The following HSF2 variants were observed in gnomAD, a reference collection of about 807,000 sequenced individuals.
The protein encoded by HSF2 is heat shock factor protein 2.
A neutral mutation model predicts 65.0 loss-of-function variants in HSF2; 21 were observed. The ratio of observed to expected loss-of-function variants is 0.32; its 90% CI spans 0.23 to 0.47. The LOEUF (loss-of-function observed/expected upper bound fraction) is 0.47, where lower values mean the gene tolerates loss of function less well. HSF2 is among the 20% of genes least tolerant of loss of function. The pLI is 1.00. For missense variants in HSF2, 499 were observed against 628.1 expected (o/e 0.79, Z 2.20); for synonymous variants, 225 against 219.1 (o/e 1.03, Z -0.24).
chr6:122,423,612 G>A lies in HSF2; in HGVS notation c.1102G>A (p.Asp368Asn). The change falls in exon 10 of 13, where the codon GAC becomes AAC. Residue 368 changes from aspartate (D) to asparagine (N), a missense_variant. This residue lies in a region of HSF2 where 349 missense variants were observed against 393.5 expected (regional missense o/e 0.89). Transcript: ENST00000368455. ...GCTGTTGGATTATCTTGACAGTATT[G>A]ACTGCAGTTTAGAGGACTTCCAGGC... ...VELLDYLDSIDCSLEDFQAML... is the reference protein window; with the variant it reads ...VELLDYLDSINCSLEDFQAML... 6.2e-7 allele frequency: 1 copy of A among 1,608,644 alleles called. No individual in the cohort carries two copies. Among genetic ancestry groups the A allele is most frequent in the Non-Finnish European group, 8.5e-7 (1 of 1,176,898 alleles).
At chr6:122,425,268 T>C (rs1582619676) in intron 10 of HSF2, among the ~76,000 whole-genome samples, 2 of 152,110 alleles carry the variant, frequency 1.3e-5, no homozygotes, top group East Asian at 3.9e-4. Flanking sequence ...AAGCTTTGTA[T>C]TGTGTTGCTT....
At position 122,422,715 on chromosome 6, in the gene HSF2, T is replaced by G. The variant is rs1457910575; in HGVS notation, c.831-3T>G. Reference sequence around the variant, plus strand: ...TAGGTTCCTTCTTTTATTGCTGATTTAGCTGTAGCCAGTACCCTGATATTG... The same window carrying G: ...TAGGTTCCTTCTTTTATTGCTGATTGAGCTGTAGCCAGTACCCTGATATTG... On this transcript the variant is annotated splice_region_variant and splice_polypyrimidine_tract_variant and intron_variant, in intron 8 of 12. Transcript: ENST00000368455. 9.3e-6 allele frequency: 15 copies of G among 1,612,782 alleles called. No individual in the cohort carries two copies. Among genetic ancestry groups the G allele is most frequent in the Non-Finnish European group, 1.3e-5 (15 of 1,179,066 alleles).
rs1773675045 is a variant in HSF2, at chr6:122,399,809, C to T, written c.72C>T (p.Asn24=). The T allele has an allele frequency of 6.2e-7, 1 of 1,611,962 alleles. No homozygotes were observed. The highest frequency in any genetic ancestry group is 1.7e-5 in the Admixed American group (1 of 59,888). ...CGCTTGTGGAGGAAACCCACACTAA[C>T]GAGTTCATCACCTGGAGCCAGGTAC... The part of the protein sequence containing the change: ...LWTLVEETHT[N]EFITWSQNGQ... The change falls in exon 1 of 13, where the codon AAC becomes AAT. Residue 24 remains asparagine, a synonymous_variant. Transcript: ENST00000368455.
At chr6:122,409,534 A>G (rs1449625178) in intron 1 of HSF2, among the ~76,000 whole-genome samples, 2 of 152,052 alleles carry the variant, frequency 1.3e-5, no homozygotes, top group African/African-American at 4.8e-5. Flanking sequence ...TTCTTTTAAG[A>G]TAGGAAAAGA....
chr6:122,414,760 G>A (rs1271482749), intron 4 of HSF2, among the ~76,000 whole-genome samples: 1 of 152,092 alleles, frequency 6.6e-6, no homozygotes, highest in Admixed American at 6.6e-5. Flanking sequence ...CTAGTAGCTG[G>A]GATTACAGGC....
chr6:122,409,526 C>A (rs1406138863), intron 1 of HSF2, among the ~76,000 whole-genome samples: 1 of 151,880 alleles, frequency 6.6e-6, no homozygotes, highest in Non-Finnish European at 1.5e-5. Flanking sequence ...AGGGAAAGTT[C>A]TTTTAAGATA....
At position 122,432,185 on chromosome 6, in the gene HSF2, C is replaced by T. The variant is rs1774488434; in HGVS notation, c.1576C>T (p.Pro526Ser). Residue 526 changes from proline (P) to serine (S), a missense_variant, in exon 13 of 13, where the codon CCT becomes TCT. Transcript: ENST00000368455. ...LFYLCELAPA[P>S]LDSDMPLLDS ...TTATTTATGTGAACTTGCTCCTGCA[C>T]CTCTGGATAGTGATATGCCACTTTT... 11 of 1,613,970 alleles carry T rather than the reference C, an allele frequency of 6.8e-6. No homozygotes were observed. Among genetic ancestry groups the T allele is most frequent in the African/African-American group, 1.3e-5 (1 of 75,022 alleles).
chr6:122,420,053 G>C, intron 6 of HSF2, 82 bp from the exon 7 acceptor site: 2 of 1,369,486 alleles, frequency 1.5e-6, no homozygotes, highest in Non-Finnish European at 2.0e-6. Context: ...GTGCATGTGT[G>C]TGTGTTTGGG....
At chr6:122,406,891 G>A (rs991878047) in intron 1 of HSF2, among the ~76,000 whole-genome samples, 12 of 152,026 alleles carry the variant, frequency 7.9e-5, no homozygotes, top group African/African-American at 2.4e-4. Flanking sequence ...AAAAAAAACA[G>A]GAGTATTTTT....
At chr6:122,416,871 T>G (rs1205867344) in intron 5 of HSF2, among the ~76,000 whole-genome samples, 1 of 152,202 alleles carries the variant, frequency 6.6e-6, no homozygotes, top group African/African-American at 2.4e-5. Context: ...TCCGTTTCAT[T>G]GTGTCCTTGT....
At chr6:122,425,458 C>T (rs1774319428) in intron 10 of HSF2, among the ~76,000 whole-genome samples, 1 of 151,960 alleles carries the variant, frequency 6.6e-6, no homozygotes, top group African/African-American at 2.4e-5. Flanking sequence ...ATGTTACTAA[C>T]CTTTGAAAAG....
chr6:122,411,795 G>A (rs566102949), intron 1 of HSF2, among the ~76,000 whole-genome samples: 7 of 151,952 alleles, frequency 4.6e-5, no homozygotes, highest in Non-Finnish European at 8.8e-5. Context: ...CAGTATGCCA[G>A]TACCATGCTA....
In HSF2 at chr6:122,399,760, C is replaced by A; in HGVS notation, c.23C>A (p.Pro8Gln). MKQSSNV[P>Q]AFLSKLWTLV... ...ACAATGAAGCAGAGTTCGAACGTGCCGGCTTTCCTCAGCAAGCTGTGGACG... is the reference window on the plus strand; with the variant it reads ...ACAATGAAGCAGAGTTCGAACGTGCAGGCTTTCCTCAGCAAGCTGTGGACG... Residue 8 changes from proline (P) to glutamine (Q), a missense_variant, in exon 1 of 13, where the codon CCG becomes CAG. This residue lies in a region of HSF2 where 150 missense variants were observed against 234.6 expected (regional missense o/e 0.64). Coordinates refer to ENST00000368455, the MANE Select transcript of HSF2 (RefSeq NM_004506.4). 1 of 1,612,374 alleles carries A rather than the reference C, an allele frequency of 6.2e-7. No individual in the cohort carries two copies. Among genetic ancestry groups the A allele is most frequent in the South Asian group, 1.1e-5 (1 of 90,802 alleles).
chr6:122,431,972 G>A lies in HSF2; in HGVS notation c.1363G>A (p.Asp455Asn), dbSNP rs780492445. ...YTAFPLLAFL[D>N]GNPASSVEQA... ...CGCCTTTCCACTTCTTGCATTCCTC[G>A]ATGGGAACCCTGCTTCTTCTGTTGA... Residue 455 changes from aspartate to asparagine, a missense_variant, in exon 13 of 13, where the codon GAT (aspartate) becomes AAT (asparagine). Transcript: ENST00000368455. 4 of 1,613,934 alleles carry A rather than the reference G, an allele frequency of 2.5e-6. No individual in the cohort carries two copies. Among genetic ancestry groups the A allele is most frequent in the Non-Finnish European group, 3.4e-6 (4 of 1,179,930 alleles).
intron 7 of HSF2, among the ~76,000 whole-genome samples, chr6:122,420,620 A>G (rs983616652): frequency 2.0e-5 from 2 of 100,200 alleles, no homozygotes; most frequent in Non-Finnish European, 4.1e-5. Flanking sequence ...TTTTGTGCAT[A>G]TCATTTTATA....
chr6:122,415,678 G>T (rs917669910), intron 4 of HSF2, among the ~76,000 whole-genome samples: 4 of 152,008 alleles, frequency 2.6e-5, no homozygotes, highest in African/African-American at 7.2e-5. Flanking sequence ...TTAAGTTTCT[G>T]TGTATCTATT....
intron 7 of HSF2, among the ~76,000 whole-genome samples, chr6:122,421,052 A>T (rs946552499): frequency 3.3e-5 from 5 of 151,948 alleles, no homozygotes; most frequent in Non-Finnish European, 7.4e-5. Context: ...TATTTTGAAA[A>T]TGTAATTATT....
chr6:122,407,624 A>G (rs1221016737), intron 1 of HSF2, among the ~76,000 whole-genome samples: 1 of 151,116 alleles, frequency 6.6e-6, no homozygotes, highest in Non-Finnish European at 1.5e-5. Context: ...GAATTCCTAT[A>G]TATTCTACAT....
intron 10 of HSF2, among the ~76,000 whole-genome samples, chr6:122,426,370 A>G (rs1208567398): frequency 1.3e-5 from 2 of 151,982 alleles, no homozygotes; most frequent in Non-Finnish European, 2.9e-5. Context: ...TACTTTTTCT[A>G]CCATTTGTCT....
Sources: gnomAD v4.1 joint callset for allele counts (sites outside exome capture counted in the v4.1 genomes callset) on GRCh38, gnomAD v4.1.1 for gene constraint, gnomAD v4.1.1 regional missense constraint, MANE v1.5 for transcripts, NCBI Gene and HGNC (gene_info 2026-07-23, HGNC 2026-07-21) for gene names.